The following SPRR2G variants were observed in gnomAD, a reference collection of about 807,000 sequenced individuals.
The protein encoded by SPRR2G is small proline-rich protein 2G.
A neutral mutation model predicts 0.7 loss-of-function variants in SPRR2G; 1 was observed. That is an observed-to-expected ratio of 1.49 (90% confidence interval 0.53 to 7.06). The LOEUF (loss-of-function observed/expected upper bound fraction) is 7.06. Among genes scored for constraint, SPRR2G ranks in the 30% most tolerant of loss-of-function variants. The probability of loss-of-function intolerance (pLI) is 0.14; values close to 1 mark genes in which losing one functional copy is unlikely to be tolerated. For missense variants in SPRR2G, 96 were observed against 88.5 expected (o/e 1.09, Z -0.34); for synonymous variants, 38 against 33.9 (o/e 1.12, Z -0.42).
intron 1 of SPRR2G, 150 bp from the exon 2 acceptor site, chr1:153,150,281 T>C: frequency 8.4e-7 from 1 of 1,189,980 alleles, no homozygotes; most frequent in South Asian, 1.6e-5. Flanking sequence ...ACACTTCACT[T>C]TTAGGACCTC....
chr1:153,183,614 T>C, the SPRR2G span, among the ~76,000 whole-genome samples: 1 of 152,218 alleles, frequency 6.6e-6, no homozygotes, highest in Admixed American at 6.5e-5. Context: ...AGATTCTGGA[T>C]ATTAGACCTT....
the SPRR2G span, among the ~76,000 whole-genome samples, chr1:153,157,150 G>A: frequency 2.0e-5 from 3 of 152,110 alleles, no homozygotes; most frequent in African/African-American, 7.2e-5. Context: ...ATAAGTTGGG[G>A]ATTATCTGTA....
chr1:153,150,081 C>T lies in SPRR2G; in HGVS notation c.30G>A (p.Gln10=), dbSNP rs985179523. The T allele has an allele frequency of 3.1e-6, 5 of 1,612,618 alleles. No homozygotes were observed. The highest frequency in any genetic ancestry group is 2.7e-5 in the African/African-American group (2 of 74,860). MSYQQQQCK[Q]PCQPPPVCPT... is the part of the protein sequence containing the mutation. Reference sequence around the variant, plus strand: ...GGCACACAGGAGGTGGCTGGCAGGGCTGCTTGCACTGCTGCTGCTGGTAAG... The same window carrying T: ...GGCACACAGGAGGTGGCTGGCAGGGTTGCTTGCACTGCTGCTGCTGGTAAG... Residue 10 remains glutamine, a synonymous_variant, in exon 2 of 2, where the codon CAG becomes CAA. Transcript: ENST00000368748.
At chr1:153,200,528 G>T in the SPRR2G span, among the ~76,000 whole-genome samples, 1 of 152,306 alleles carries the variant, frequency 6.6e-6, no homozygotes, top group Non-Finnish European at 1.5e-5. Flanking sequence ...ATGGATGAGG[G>T]TGTAGGTTTT....
chr1:153,197,672 A>G, the SPRR2G span, among the ~76,000 whole-genome samples: 1 of 152,198 alleles, frequency 6.6e-6, no homozygotes, highest in Admixed American at 6.5e-5. Context: ...GTGGGGAGTC[A>G]ATCCATGGGG....
chr1:153,163,771 G>A, the SPRR2G span, among the ~76,000 whole-genome samples: 1 of 152,264 alleles, frequency 6.6e-6, no homozygotes, highest in Admixed American at 6.5e-5. Flanking sequence ...GGAGGCCATA[G>A]GAATGATATT....
chr1:153,167,342 C>T, the SPRR2G span, among the ~76,000 whole-genome samples: 3 of 152,096 alleles, frequency 2.0e-5, no homozygotes, highest in East Asian at 3.9e-4. Flanking sequence ...GGCGTGGTGG[C>T]TCATGCCTGT....
the SPRR2G span, among the ~76,000 whole-genome samples, chr1:153,160,276 A>C: frequency 6.6e-6 from 1 of 152,168 alleles, no homozygotes; most frequent in African/African-American, 2.4e-5. Context: ...TACATTGTAT[A>C]TATATGCCAC....
At chr1:153,201,944 C>G in the SPRR2G span, among the ~76,000 whole-genome samples, 1 of 152,226 alleles carries the variant, frequency 6.6e-6, no homozygotes, top group African/African-American at 2.4e-5. Context: ...AATCTGTTCC[C>G]CTGTTTCCTC....
At chr1:153,151,954 G>A (rs1027862420), upstream of SPRR2G, among the ~76,000 whole-genome samples, 4 of 152,134 alleles carry the variant, frequency 2.6e-5, no homozygotes, top group Non-Finnish European at 5.9e-5. Context: ...GAAAAAACTT[G>A]AGTACCTTGG....
chr1:153,193,652 T>C, the SPRR2G span, among the ~76,000 whole-genome samples: 1 of 152,164 alleles, frequency 6.6e-6, no homozygotes, highest in Non-Finnish European at 1.5e-5. Context: ...ATATGAAAGA[T>C]GCTAAACACC....
chr1:153,195,649 T>C, the SPRR2G span, among the ~76,000 whole-genome samples: 1 of 152,138 alleles, frequency 6.6e-6, no homozygotes, highest in Non-Finnish European at 1.5e-5. Flanking sequence ...TCTTAAGAAT[T>C]TTCTCTTTCC....
chr1:153,168,033 T>C, the SPRR2G span, among the ~76,000 whole-genome samples: 3 of 152,220 alleles, frequency 2.0e-5, no homozygotes, highest in Non-Finnish European at 4.4e-5. Context: ...AATCACCTTC[T>C]TGGTGCTCTG....
the SPRR2G span, among the ~76,000 whole-genome samples, chr1:153,194,736 C>G: frequency 6.6e-6 from 1 of 152,166 alleles, no homozygotes; most frequent in African/African-American, 2.4e-5. Flanking sequence ...CAGCAGCATC[C>G]GTAACCAGCC....
upstream of SPRR2G, among the ~76,000 whole-genome samples, chr1:153,151,589 G>A (rs1286416626): frequency 6.6e-6 from 1 of 152,160 alleles, no homozygotes; most frequent in South Asian, 2.1e-4. Flanking sequence ...TGTGGCCCTT[G>A]TAACTATGAG....
the SPRR2G span, among the ~76,000 whole-genome samples, chr1:153,165,376 T>C: frequency 3.9e-5 from 6 of 152,194 alleles, no homozygotes; most frequent in Non-Finnish European, 8.8e-5. Flanking sequence ...CTGGAGTAGA[T>C]AACAGACTTC....
At chr1:153,168,672 C>G in the SPRR2G span, among the ~76,000 whole-genome samples, 1 of 152,060 alleles carries the variant, frequency 6.6e-6, no homozygotes, top group Admixed American at 6.6e-5. Flanking sequence ...GGCATTGATA[C>G]ATTCTTAGAA....
chr1:153,177,058 T>C, the SPRR2G span, among the ~76,000 whole-genome samples: 2 of 152,182 alleles, frequency 1.3e-5, no homozygotes, highest in African/African-American at 2.4e-5. Context: ...CCCTGACTAA[T>C]AGTGTTGTTA....
At chr1:153,177,733 T>C in the SPRR2G span, among the ~76,000 whole-genome samples, 1 of 152,194 alleles carries the variant, frequency 6.6e-6, no homozygotes, top group Non-Finnish European at 1.5e-5. Flanking sequence ...ACATTCTTGA[T>C]TGATGAGCAT....
Sources: allele counts gnomAD v4.1 joint callset (sites outside exome capture counted in the v4.1 genomes callset), GRCh38; gene constraint gnomAD v4.1.1; transcripts MANE v1.5; gene names NCBI Gene and HGNC (gene_info 2026-07-23, HGNC 2026-07-21).